Variants in ROBO1 observed in about 807,000 individuals in gnomAD.
The protein encoded by ROBO1 is roundabout homolog 1.
Under a neutral mutation model 195.9 loss-of-function variants are expected in ROBO1, and 149 were observed. The observed-to-expected ratio is 0.76, with a 90% CI of 0.67 to 0.87. The LOEUF is 0.87. Among genes scored for constraint, ROBO1 ranks in the 40% least tolerant of loss-of-function variants. ROBO1 has a pLI of 0.00. For missense variants in ROBO1, 1,933 were observed against 2,068.3 expected, an observed-to-expected ratio of 0.93 and a Z score of 1.27; for synonymous variants, 816 against 733.2, an observed-to-expected ratio of 1.11 and a Z score of -1.82.
chr3:79,067,949 C>CA (rs550769216), intron 3 of ROBO1, among the ~76,000 whole-genome samples: 1 of 151,854 alleles, frequency 6.6e-6, no homozygotes, highest in Non-Finnish European at 1.5e-5. Flanking sequence ...GGCTGTTGGC[C>CA]ACAGGTTTTG....
chr3:78,622,026 C>A (rs1388279920), intron 26 of ROBO1, among the ~76,000 whole-genome samples: 1 of 152,070 alleles, frequency 6.6e-6, no homozygotes, highest in Non-Finnish European at 1.5e-5. Flanking sequence ...ATAATTTTTA[C>A]TTTTCTAGAG....
intron 2 of ROBO1, among the ~76,000 whole-genome samples, chr3:79,184,984 A>T (rs979966568): frequency 6.6e-6 from 1 of 152,108 alleles, no homozygotes; most frequent in Non-Finnish European, 1.5e-5. Flanking sequence ...TTCCATGTCC[A>T]CATTCTAGCT....
At chr3:79,095,813 A>C (rs920520609) in intron 3 of ROBO1, among the ~76,000 whole-genome samples, 17 of 152,012 alleles carry the variant, frequency 1.1e-4, no homozygotes, top group Admixed American at 9.9e-4. Flanking sequence ...TATTCCAAAA[A>C]TACCACATTT....
chr3:78,959,537 T>A (rs2041230094), intron 3 of ROBO1, among the ~76,000 whole-genome samples: 1 of 152,188 alleles, frequency 6.6e-6, no homozygotes, highest in Non-Finnish European at 1.5e-5. Context: ...AACAAATATT[T>A]ACTGAGTAAC....
intron 3 of ROBO1, among the ~76,000 whole-genome samples, chr3:79,021,955 C>T (rs963160012): frequency 6.6e-6 from 1 of 152,166 alleles, no homozygotes; most frequent in Non-Finnish European, 1.5e-5. Context: ...CCCTGCCGCG[C>T]CCGGCCTAGA....
At chr3:79,375,442 A>T (rs1312574110) in intron 2 of ROBO1, among the ~76,000 whole-genome samples, 4 of 152,228 alleles carry the variant, frequency 2.6e-5, no homozygotes, top group Admixed American at 1.3e-4. Context: ...CATCCATGCC[A>T]GTTCCAGAGC....
chr3:79,719,121 C>T (rs1463816489), intron 1 of ROBO1, among the ~76,000 whole-genome samples: 1 of 151,804 alleles, frequency 6.6e-6, no homozygotes, highest in African/African-American at 2.4e-5. Flanking sequence ...GTATAGGCTT[C>T]TTTGAGAATT....
At chr3:79,613,605 A>G (rs4680965) in intron 1 of ROBO1, among the ~76,000 whole-genome samples, 86,723 of 151,762 alleles carry the variant, frequency 0.57, 26,227 homozygotes, top group East Asian at 0.89. Context: ...ACATGGTCAG[A>G]TTAGATGAAA....
rs371083240 is a variant in ROBO1, at chr3:79,409,943, T to C, written c.88+179881A>G. Among the ~76,000 whole-genome samples the C allele has an allele frequency of 5.9e-5, 9 of 152,218 alleles. No individual in the cohort carries two copies. In the East Asian group the frequency reaches 9.7e-4, roughly 16 times the overall value. On this transcript the variant is annotated intron_variant, in intron 2 of 30. Coordinates refer to ENST00000464233, the MANE Select transcript of ROBO1 (RefSeq NM_002941.4). ...CAAGCATTATTTGCACATATATATA[T>C]ACACACATATATATTCTCTTTGAGA...
At chr3:78,841,267 T>TA (rs1359271123) in intron 4 of ROBO1, among the ~76,000 whole-genome samples, 1 of 152,036 alleles carries the variant, frequency 6.6e-6, no homozygotes, top group Non-Finnish European at 1.5e-5. Flanking sequence ...ATACACAAAC[T>TA]ATGAATAAGC....
At chr3:79,010,251 G>A (rs1477313222) in intron 3 of ROBO1, among the ~76,000 whole-genome samples, 1 of 152,064 alleles carries the variant, frequency 6.6e-6, no homozygotes, top group Non-Finnish European at 1.5e-5. Context: ...TAGTGTGTTT[G>A]TAGAATTGTG....
intron 2 of ROBO1, among the ~76,000 whole-genome samples, chr3:79,251,822 C>T (rs1056990074): frequency 1.3e-5 from 2 of 151,880 alleles, no homozygotes; most frequent in African/African-American, 4.8e-5. Context: ...TGGTGGCGCG[C>T]ATCTGTAATC....
intron 4 of ROBO1, among the ~76,000 whole-genome samples, chr3:78,799,146 T>C (rs1418306437): frequency 6.6e-6 from 1 of 152,132 alleles, no homozygotes; most frequent in Non-Finnish European, 1.5e-5. Context: ...TAAACCCCTT[T>C]TGTAGGTGGG....
intron 1 of ROBO1, among the ~76,000 whole-genome samples, chr3:79,727,330 T>G (rs948956750): frequency 3.9e-5 from 6 of 152,154 alleles, no homozygotes; most frequent in African/African-American, 1.4e-4. Context: ...GTTACATTAA[T>G]GTAGCTAATA....
chr3:79,728,610 C>T (rs1427274606), intron 1 of ROBO1, among the ~76,000 whole-genome samples: 1 of 151,986 alleles, frequency 6.6e-6, no homozygotes, highest in African/African-American at 2.4e-5. Flanking sequence ...AAGATATATA[C>T]CTTTTAAACA....
At chr3:79,743,441 G>T (rs1219036784) in intron 1 of ROBO1, among the ~76,000 whole-genome samples, 1 of 152,190 alleles carries the variant, frequency 6.6e-6, no homozygotes, top group East Asian at 1.9e-4. Flanking sequence ...TGCTCTGAAT[G>T]AGCCAGTGAG....
intron 2 of ROBO1, among the ~76,000 whole-genome samples, chr3:79,408,047 T>A (rs1275849648): frequency 6.6e-6 from 1 of 151,868 alleles, no homozygotes; most frequent in Non-Finnish European, 1.5e-5. Context: ...CCTTAAAAAT[T>A]GTTTATTAAA....
Position 78,860,326 on chromosome 3 carries a change from A to ATATATATATATATATAT in ROBO1, c.499+78274_499+78275insATATATATATATATATA, listed in dbSNP as rs376853384. Among the ~76,000 whole-genome samples the ATATATATATATATATAT allele has an allele frequency of 3.3e-3, 308 of 93,476 alleles. 1 individual carries two copies. The highest frequency in any genetic ancestry group is 4.7e-3 in the Non-Finnish European group (234 of 50,172). 61.3% of individuals were successfully genotyped at this position (93,476 alleles called of 152,430 possible). A position where few individuals can be genotyped will look rare whatever the true frequency, so the allele number is the denominator to read the frequency against. On this transcript the variant is annotated intron_variant, in intron 4 of 30. Coordinates refer to ENST00000464233, the MANE Select transcript of ROBO1 (RefSeq NM_002941.4). Reference sequence around the variant, plus strand: ...ACTATATATATATATATATATATATATTTTTTTTTTTTTACTCATAAGGTG... The same window carrying ATATATATATATATATAT: ...ACTATATATATATATATATATATATATATATATATATATATATTTTTTTTTTTTTTACTCATAAGGTG...
chr3:79,075,290 T>C (rs766756887), intron 3 of ROBO1, among the ~76,000 whole-genome samples: 17 of 151,978 alleles, frequency 1.1e-4, no homozygotes, highest in African/African-American at 9.7e-5. Context: ...AGAGTACTGA[T>C]GTAAACATAT....
Sources: allele counts gnomAD v4.1 joint callset (sites outside exome capture counted in the v4.1 genomes callset), GRCh38; gene constraint gnomAD v4.1.1; transcripts MANE v1.5; gene names NCBI Gene and HGNC (gene_info 2026-07-23, HGNC 2026-07-21).